The following TCF7L1 variants were observed in gnomAD, a reference collection of about 807,000 sequenced individuals.
TCF7L1 encodes the protein transcription factor 7-like 1.
A neutral mutation model predicts 63.7 loss-of-function variants in TCF7L1; 18 were observed. The observed-to-expected ratio is 0.28, with a 90% CI of 0.20 to 0.42. The LOEUF is 0.42. Ranked by LOEUF, TCF7L1 falls within the 10% of genes least tolerant of loss-of-function variation. TCF7L1 has a pLI of 1.00. For missense variants in TCF7L1, 654 were observed against 779.3 expected, an observed-to-expected ratio of 0.84 and a Z score of 1.91; for synonymous variants, 355 against 340.9, an observed-to-expected ratio of 1.04 and a Z score of -0.46.
At position 85,165,972 on chromosome 2, in the gene TCF7L1, T is replaced by G. The variant is rs186529732; in HGVS notation, c.441+31522T>G. ...GTTTGTGTGGACAGGTCTATGCAGT[T>G]TTATCCCATGTATAAATTTGTGTAA... On this transcript the variant is annotated intron_variant, in intron 3 of 11. Coordinates refer to ENST00000282111, the MANE Select transcript of TCF7L1 (RefSeq NM_031283.3). 1.7e-3 allele frequency among the ~76,000 whole-genome samples: 254 copies of G among 152,324 alleles called. 1 individual carries two copies. Among genetic ancestry groups the G allele is most frequent in the Admixed American group, 4.1e-3 (62 of 15,304 alleles).
At chr2:85,271,119 C>T (rs1681143498) in intron 3 of TCF7L1, among the ~76,000 whole-genome samples, 1 of 151,208 alleles carries the variant, frequency 6.6e-6, no homozygotes, top group Admixed American at 6.6e-5. Flanking sequence ...GCTCAATTTC[C>T]TTTGTTTTTT....
At chr2:85,190,635 CT>C (rs1321193896) in intron 3 of TCF7L1, among the ~76,000 whole-genome samples, 6 of 152,120 alleles carry the variant, frequency 3.9e-5, no homozygotes, top group African/African-American at 1.4e-4. Flanking sequence ...GCTAAGGAGC[CT>C]TTGTGTTTCT....
rs553338233 is a variant in TCF7L1 at position 85,268,622 on chromosome 2, C to T, written c.442-14873C>T. ...ATGCCCGGCTAGTTTTTGTACTTTT[C>T]ATAGAGACGGGGTTTCACCATGTTG... On this transcript the variant is annotated intron_variant, in intron 3 of 11. Transcript: ENST00000282111. 4.5e-4 allele frequency among the ~76,000 whole-genome samples: 69 copies of T among 151,898 alleles called. 1 individual carries two copies. In the South Asian group the frequency reaches 0.012, roughly 27 times the overall value.
chr2:85,283,452 C>A, intron 3 of TCF7L1, 43 bp from the exon 4 acceptor site: 1 of 1,605,362 alleles, frequency 6.2e-7, no homozygotes, highest in Non-Finnish European at 8.5e-7. Flanking sequence ...ACTTGTGAGG[C>A]CTCATCTCAC....
chr2:85,200,320 T>C (rs1359566116), intron 3 of TCF7L1, among the ~76,000 whole-genome samples: 1 of 152,162 alleles, frequency 6.6e-6, no homozygotes, highest in African/African-American at 2.4e-5. Flanking sequence ...CAGTCGAAAA[T>C]CCATGTATAA....
chr2:85,142,093 A>T (rs947358865), intron 3 of TCF7L1, among the ~76,000 whole-genome samples: 2 of 152,278 alleles, frequency 1.3e-5, no homozygotes, highest in East Asian at 1.9e-4. Context: ...TCCTTTTATT[A>T]TCTGGAGCTG....
In TCF7L1 at chr2:85,145,251, T is replaced by A. The variant is rs116647019; in HGVS notation, c.441+10801T>A. Among the ~76,000 whole-genome samples, 1,404 of 152,194 alleles carry A rather than the reference T, an allele frequency of 9.2e-3. 22 individuals carry two copies. Among genetic ancestry groups the A allele is most frequent in the African/African-American group, 0.032 (1,314 of 41,490 alleles). ...CCTGGGTATTGCAAGGCACTAAATC[T>A]TAGATAAATATCTTAGACCTCATTA... On this transcript the variant is annotated intron_variant, in intron 3 of 11. Transcript: ENST00000282111.
chr2:85,282,292 A>T (rs1681437008), intron 3 of TCF7L1, among the ~76,000 whole-genome samples: 1 of 152,002 alleles, frequency 6.6e-6, no homozygotes, highest in South Asian at 2.1e-4. Context: ...CCAGCCAAAG[A>T]CTTCTTTCTG....
chr2:85,299,860 A>ACACACACACACACACACAC (rs1681927934), intron 4 of TCF7L1, among the ~76,000 whole-genome samples: 2 of 92,768 alleles, frequency 2.2e-5, no homozygotes, highest in African/African-American at 4.4e-5. Flanking sequence ...CCTTGTCTCA[A>ACACACACACACACACACAC]ACACACACAC....
At chr2:85,197,053 G>A (rs1679172512) in intron 3 of TCF7L1, among the ~76,000 whole-genome samples, 1 of 152,064 alleles carries the variant, frequency 6.6e-6, no homozygotes, top group African/African-American at 2.4e-5. Flanking sequence ...CTTCTCACTT[G>A]GACAGTTTCC....
Position 85,133,974 on chromosome 2 carries a change from T to TGCGTCCGG in TCF7L1, c.250-35_250-34insGGCGTCCG. 6.3e-7 allele frequency: 1 copy of TGCGTCCGG among 1,591,228 alleles called. No individual in the cohort carries two copies. Among genetic ancestry groups the TGCGTCCGG allele is most frequent in the African/African-American group, 1.4e-5 (1 of 73,768 alleles). ...GGCCACCCCCGGGGGATCCCGGCCC[T>TGCGTCCGG]GCGTCCGCTCACCCGCTCTTGCCTT... On this transcript the variant is annotated intron_variant, in intron 1 of 11. Coordinates refer to ENST00000282111, the MANE Select transcript of TCF7L1 (RefSeq NM_031283.3). The surrounding 1 kb of genome is among the most constrained non-coding windows in gnomAD (Gnocchi z 4.4).
At position 85,306,490 on chromosome 2, in the gene TCF7L1, C is replaced by T. The variant is rs111590679; in HGVS notation, c.1188C>T (p.Tyr396=). 1.2e-4 allele frequency: 188 copies of T among 1,614,148 alleles called. 1 individual carries two copies. Among genetic ancestry groups the T allele is most frequent in the African/African-American group, 9.5e-4 (71 of 75,024 alleles). ...CTCGAGAAGAACAGGCCAAGTACTA[C>T]GAGCTGGCCCGGAAGGAGCGGCAGC... ...NLSREEQAKY[Y]ELARKERQLH... The change falls in exon 10 of 12, where the codon TAC becomes TAT. Residue 396 remains tyrosine (Y), a synonymous_variant. Coordinates refer to ENST00000282111, the MANE Select transcript of TCF7L1 (RefSeq NM_031283.3). This position sits in a 1 kb window ranked among gnomAD's most constrained non-coding sequence, Gnocchi z 4.3.
chr2:85,182,293 TACTC>T (rs1411792940), intron 3 of TCF7L1, among the ~76,000 whole-genome samples: 1 of 152,160 alleles, frequency 6.6e-6, no homozygotes, highest in Non-Finnish European at 1.5e-5. Flanking sequence ...GAGTCCCTGA[TACTC>T]ACTCTCTGTG....
intron 3 of TCF7L1, among the ~76,000 whole-genome samples, chr2:85,136,332 C>A (rs1050583514): frequency 1.3e-5 from 2 of 151,796 alleles, no homozygotes; most frequent in African/African-American, 4.8e-5. Flanking sequence ...TTAGTGTCCC[C>A]TCCTTCCTTC....
chr2:85,268,721 C>G (rs1558651631), intron 3 of TCF7L1, among the ~76,000 whole-genome samples: 1 of 149,846 alleles, frequency 6.7e-6, no homozygotes, highest in Admixed American at 6.7e-5. Context: ...GGATTACAGG[C>G]GTCAGCCACC....
At chr2:85,157,773 G>A (rs546036086) in intron 3 of TCF7L1, among the ~76,000 whole-genome samples, 14 of 152,356 alleles carry the variant, frequency 9.2e-5, no homozygotes, top group African/African-American at 3.1e-4. Flanking sequence ...CAAGAATGAT[G>A]GTGGCCAATC....
chr2:85,239,190 C>A (rs1423553509), intron 3 of TCF7L1, among the ~76,000 whole-genome samples: 2 of 152,082 alleles, frequency 1.3e-5, no homozygotes, highest in African/African-American at 4.8e-5. Context: ...GTATATACCC[C>A]ACTTCCCTCA....
chr2:85,258,302 G>T (rs1212203375), intron 3 of TCF7L1, among the ~76,000 whole-genome samples: 1 of 152,124 alleles, frequency 6.6e-6, no homozygotes, highest in African/African-American at 2.4e-5. Context: ...TCCTGACCAG[G>T]CCAGGAATCC....
intron 10 of TCF7L1, 145 bp from the exon 11 acceptor site, chr2:85,307,497 G>A (rs1682145905): frequency 1.6e-6 from 1 of 644,698 alleles, no homozygotes; most frequent in Admixed American, 2.7e-5. Flanking sequence ...TCCCACGGCT[G>A]TGATCTGAAT....
Sources: gnomAD v4.1 joint callset for allele counts (sites outside exome capture counted in the v4.1 genomes callset) on GRCh38, gnomAD v4.1.1 for gene constraint, Gnocchi (gnomAD v3.1) non-coding constraint, MANE v1.5 for transcripts, NCBI Gene and HGNC (gene_info 2026-07-23, HGNC 2026-07-21) for gene names.